The following EYS variants were observed in gnomAD, a reference collection of about 807,000 sequenced individuals.
EYS encodes protein eyes shut homolog.
A neutral mutation model predicts 282.1 loss-of-function variants in EYS; 250 were observed. That is an observed-to-expected ratio of 0.89 (90% CI 0.80 to 0.98). The LOEUF (loss-of-function observed/expected upper bound fraction) is 0.98. Among genes scored for constraint, EYS ranks in the 50% least tolerant of loss-of-function variants. The probability of loss-of-function intolerance (pLI) is 0.00; values close to 1 mark genes in which losing one functional copy is unlikely to be tolerated. For missense variants in EYS, 4,016 were observed against 3,709.0 expected (o/e 1.08, Z -2.15); for synonymous variants, 1,355 against 1,282.9 (o/e 1.06, Z -1.20).
chr6:64,033,296 A>G (rs1025434547), intron 33 of EYS, among the ~76,000 whole-genome samples: 1 of 152,212 alleles, frequency 6.6e-6, no homozygotes, highest in Non-Finnish European at 1.5e-5. Context: ...TACTTCCGTT[A>G]GAGAAAAAAG....
At chr6:64,588,843 A>G (rs1399670372) in intron 26 of EYS, among the ~76,000 whole-genome samples, 1 of 149,756 alleles carries the variant, frequency 6.7e-6, no homozygotes, top group Non-Finnish European at 1.5e-5. Flanking sequence ...ATGACTAGAA[A>G]GGCAAGAAAA....
chr6:64,958,066 TTG>T (rs1769770999), intron 14 of EYS, among the ~76,000 whole-genome samples: 1 of 152,084 alleles, frequency 6.6e-6, no homozygotes, highest in Non-Finnish European at 1.5e-5. Flanking sequence ...GGTTTTAAGT[TTG>T]AACTGAAAGC....
Position 64,388,688 on chromosome 6 carries a change from A to AC in EYS, c.6078+1dup. On this transcript the variant is annotated splice_donor_variant, in intron 29 of 42. Coordinates refer to ENST00000503581, the MANE Select transcript of EYS (RefSeq NM_001142800.2). LOFTEE classifies it high-confidence loss of function. ...AATATTTTAAAACATCTATAGAAAT[A>AC]CCTGGATTTTCCCATGAAGGTCTGG... 6.6e-7 allele frequency: 1 copy of AC among 1,526,072 alleles called. No homozygotes were observed. The highest frequency in any genetic ancestry group is 8.8e-7 in the Non-Finnish European group (1 of 1,134,782). 94.5% of individuals were successfully genotyped at this position (1,526,072 alleles called of 1,614,324 possible). A position where few individuals can be genotyped will look rare whatever the true frequency, so the allele number is the denominator to read the frequency against.
chr6:64,548,011 G>A (rs942274565), intron 26 of EYS, among the ~76,000 whole-genome samples: 17 of 152,194 alleles, frequency 1.1e-4, no homozygotes, highest in South Asian at 2.1e-4. Flanking sequence ...CCCAGAACTC[G>A]TGCTGCAGCC....
intron 30 of EYS, among the ~76,000 whole-genome samples, chr6:64,304,027 T>G (rs1309036860): frequency 6.6e-6 from 1 of 152,170 alleles, no homozygotes; most frequent in Non-Finnish European, 1.5e-5. Context: ...TGCTCTCTAC[T>G]CAGGGGTTTG....
rs562134723 is a variant in EYS at position 64,558,369 on chromosome 6, T to A, written c.5644+31854A>T. Among the ~76,000 whole-genome samples the A allele has an allele frequency of 1.2e-4, 18 of 152,220 alleles. No individual in the cohort carries two copies. The South Asian group carries it at 3.7e-3, about 32-fold the overall frequency. ...TAATTCTAGTGGAGGAAGAAAAACA[T>A]GCTACTGGCATCTAGAGCAAAAGGT... On this transcript the variant is annotated intron_variant, in intron 26 of 42. Coordinates refer to ENST00000503581, the MANE Select transcript of EYS (RefSeq NM_001142800.2).
intron 9 of EYS, among the ~76,000 whole-genome samples, chr6:65,352,950 C>G (rs1764342891): frequency 6.6e-6 from 1 of 151,930 alleles, no homozygotes. Context: ...CCAGAATTCT[C>G]TCTTCTCCAA....
At chr6:64,069,639 A>G (rs3003692) in intron 32 of EYS, among the ~76,000 whole-genome samples, 4,636 of 152,172 alleles carry the variant, frequency 0.03, 239 homozygotes, top group African/African-American at 0.095. Flanking sequence ...ATATATGGAT[A>G]GATAGGTAGA....
intron 22 of EYS, among the ~76,000 whole-genome samples, chr6:64,743,850 G>A (rs1210037532): frequency 1.3e-5 from 2 of 152,002 alleles, no homozygotes; most frequent in African/African-American, 4.8e-5. Context: ...AATTAATAAG[G>A]GGGAAATGAT....
At chr6:64,519,270 C>A (rs1475345968) in intron 26 of EYS, among the ~76,000 whole-genome samples, 1 of 151,656 alleles carries the variant, frequency 6.6e-6, no homozygotes, top group Non-Finnish European at 1.5e-5. Flanking sequence ...GGCCAACATC[C>A]ATCAATAAAA....
rs10580253 is a variant in EYS, at chr6:63,946,726, ATTTTTTTTT to A, written c.7055+37648_7055+37656del. ...TGAATATAGTCTGGTTTTATGAACT[ATTTTTTTTT>A]TTTTTTTTTGGCTACATGAAAGAGT... On this transcript the variant is annotated intron_variant, in intron 35 of 42. Transcript: ENST00000503581. 1.5e-5 allele frequency among the ~76,000 whole-genome samples: 2 copies of A among 135,658 alleles called. 1 individual carries two copies. Among genetic ancestry groups the A allele is most frequent in the Non-Finnish European group, 3.2e-5 (2 of 62,676 alleles). The allele number at this position is 135,658 out of a possible 152,430, so 89.0% of individuals were successfully genotyped here.
intron 30 of EYS, among the ~76,000 whole-genome samples, chr6:64,287,154 A>C (rs1208385676): frequency 6.6e-6 from 1 of 152,262 alleles, no homozygotes. Flanking sequence ...AAAAAGCCAG[A>C]TGTTTTTCAC....
intron 36 of EYS, among the ~76,000 whole-genome samples, chr6:63,826,778 T>A (rs1771472186): frequency 8.8e-6 from 1 of 114,044 alleles, no homozygotes. Context: ...TGTAAACACA[T>A]CAAAACAGAA....
intron 11 of EYS, among the ~76,000 whole-genome samples, chr6:65,298,257 A>G (rs1296551007): frequency 3.3e-5 from 5 of 152,040 alleles, no homozygotes; most frequent in Non-Finnish European, 7.4e-5. Flanking sequence ...ACTAGCTCAG[A>G]TACTATAACA....
rs144313811 is a variant in EYS at position 63,883,782 on chromosome 6, T to G, written c.7056-19424A>C. ...CATACAGTCTGTGTTTGCTCCCCAT[T>G]TAGTTCCTTTGTGCTTGGCCTAGAA... On this transcript the variant is annotated intron_variant, in intron 35 of 42. Coordinates refer to ENST00000503581, the MANE Select transcript of EYS (RefSeq NM_001142800.2). Among the ~76,000 whole-genome samples the G allele has an allele frequency of 3.1e-4, 47 of 152,350 alleles. No individual in the cohort carries two copies. In the East Asian group the frequency reaches 9.1e-3, roughly 29 times the overall value.
At chr6:64,689,749 G>A (rs1043438599) in intron 22 of EYS, among the ~76,000 whole-genome samples, 2 of 152,160 alleles carry the variant, frequency 1.3e-5, no homozygotes, top group African/African-American at 4.8e-5. Flanking sequence ...TTTAATAAAT[G>A]GTGCTGGGAA....
At chr6:64,186,981 G>GT (rs1364965061) in intron 31 of EYS, among the ~76,000 whole-genome samples, 1 of 152,156 alleles carries the variant, frequency 6.6e-6, no homozygotes, top group East Asian at 1.9e-4. Context: ...ACACTTCAGA[G>GT]TAAGTTAGCA....
chr6:63,778,334 GA>G, intron 39 of EYS, 154 bp from the exon 40 acceptor site: 1 of 790,372 alleles, frequency 1.3e-6, no homozygotes, highest in Non-Finnish European at 2.0e-6. Flanking sequence ...AATGCGCAGA[GA>G]AATTTTTTTT....
intron 16 of EYS, among the ~76,000 whole-genome samples, chr6:64,903,868 T>C (rs950813249): frequency 6.6e-6 from 1 of 152,144 alleles, no homozygotes. Context: ...TTACACCTTA[T>C]AAAATCTGGC....
Sources: allele counts gnomAD v4.1 joint callset (sites outside exome capture counted in the v4.1 genomes callset), GRCh38; gene constraint gnomAD v4.1.1; transcripts MANE v1.5; gene names NCBI Gene and HGNC (gene_info 2026-07-23, HGNC 2026-07-21).